Variants in ZNF675 observed in about 807,000 individuals in gnomAD.
ZNF675 encodes the protein TRAF6 inhibitory zinc finger.
Under a neutral mutation model 56.1 loss-of-function variants are expected in ZNF675, and 36 were observed. That is an observed-to-expected ratio of 0.64 (90% CI 0.49 to 0.85). ZNF675 has a LOEUF of 0.85. ZNF675 is among the 40% of genes least tolerant of loss of function. ZNF675 has a pLI of 0.00. For missense variants in ZNF675, 663 were observed against 654.2 expected, an observed-to-expected ratio of 1.01 and a Z score of -0.15; for synonymous variants, 200 against 218.9, an observed-to-expected ratio of 0.91 and a Z score of 0.76.
At chr19:23,672,889 T>C (rs116361186) in intron 1 of ZNF675, among the ~76,000 whole-genome samples, 1,703 of 152,306 alleles carry the variant, frequency 0.011, 35 homozygotes, top group African/African-American at 0.038. Flanking sequence ...TGTTCTCTCT[T>C]TGGGCTGGTA....
intron 1 of ZNF675, among the ~76,000 whole-genome samples, chr19:23,667,372 T>G (rs1968166695): frequency 6.6e-6 from 1 of 152,148 alleles, no homozygotes; most frequent in Non-Finnish European, 1.5e-5. Context: ...CCCAGCGGGT[T>G]GCCACTGCTG....
Position 23,653,091 on chromosome 19 carries a change from G to A in ZNF675, c.*135C>T. Reference sequence around the variant, plus strand: ...TTCTTCACACTTGTAGTTTTCTCCAGTATGAATTATCTTACATACAATGAA... The same window carrying A: ...TTCTTCACACTTGTAGTTTTCTCCAATATGAATTATCTTACATACAATGAA... On this transcript the variant is annotated 3_prime_UTR_variant, in exon 4 of 4. Transcript: ENST00000359788. 1.2e-6 allele frequency: 1 copy of A among 816,048 alleles called. No homozygotes were observed. Among genetic ancestry groups the A allele is most frequent in the Non-Finnish European group, 1.8e-6 (1 of 546,858 alleles). The allele number at this position is 816,048 out of a possible 1,614,324, so 50.6% of individuals were successfully genotyped here.
At position 23,658,901 on chromosome 19, in the gene ZNF675, A is replaced by C. The variant is rs866976551; in HGVS notation, c.226+3213T>G. On this transcript the variant is annotated intron_variant, in intron 3 of 3. Transcript: ENST00000359788. ...TATCTATAGATATAGATCTATAGAT[A>C]TCTATAGATAGATATAGATCTATAG... is the stretch of plus-strand genomic sequence containing the variant. Among the ~76,000 whole-genome samples the C allele has an allele frequency of 1.6e-3, 19 of 11,614 alleles. No homozygotes were observed. In the East Asian group the frequency reaches 0.03, roughly 18 times the overall value. The allele number at this position is 11,614 out of a possible 152,430, so 7.6% of individuals were successfully genotyped here.
At position 23,659,852 on chromosome 19, in the gene ZNF675, C is replaced by G. The variant is rs554757828; in HGVS notation, c.226+2262G>C. Among the ~76,000 whole-genome samples the G allele has an allele frequency of 5.8e-4, 88 of 152,238 alleles. 1 individual carries two copies. The highest frequency in any genetic ancestry group is 1.9e-3 in the African/African-American group (78 of 41,522). ...TGTGGACTGGCCTAAGGTAAAGGAC[C>G]TTAGTCTTTACTGTGGTCCTTGAAG... On this transcript the variant is annotated intron_variant, in intron 3 of 3. Transcript: ENST00000359788.
intron 1 of ZNF675, among the ~76,000 whole-genome samples, chr19:23,669,522 T>C (rs1210043153): frequency 6.6e-6 from 1 of 152,054 alleles, no homozygotes; most frequent in Non-Finnish European, 1.5e-5. Context: ...AAATGTATTA[T>C]TGCTGAAGTT....
In ZNF675 at chr19:23,654,663, G is replaced by T. The variant is rs771472713; in HGVS notation, c.270C>A (p.Asn90Lys). The part of the protein sequence containing the change: ...HFAQEFWPEQ[N>K]IKDSFEKVTL... ...TCACTTTTTCAAAAGAATCTTTTAT[G>T]TTCTGCTCTGGCCAAAACTCTTGGG... The change falls in exon 4 of 4, where the codon AAC (asparagine) becomes AAA (lysine). Residue 90 changes from asparagine to lysine, a missense_variant. Physicochemically the swap from Asn to Lys is moderately conservative, Grantham distance 94. Coordinates refer to ENST00000359788, the MANE Select transcript of ZNF675 (RefSeq NM_138330.3). 2 of 1,579,390 alleles carry T rather than the reference G, an allele frequency of 1.3e-6. No homozygotes were observed. Among genetic ancestry groups the T allele is most frequent in the Admixed American group, 1.9e-5 (1 of 53,702 alleles).
At chr19:23,679,996 C>A (rs185389421) in intron 1 of ZNF675, among the ~76,000 whole-genome samples, 5 of 145,570 alleles carry the variant, frequency 3.4e-5, no homozygotes, top group South Asian at 2.2e-4. Context: ...GTACCCCCCC[C>A]CAAAAAAAAA....
intron 1 of ZNF675, among the ~76,000 whole-genome samples, chr19:23,677,038 C>G (rs1707993162): frequency 6.7e-6 from 1 of 148,490 alleles, no homozygotes; most frequent in Non-Finnish European, 1.5e-5. Context: ...GATTGCGCCA[C>G]TGCATCCCAG....
chr19:23,663,045 G>A lies in ZNF675; in HGVS notation c.117C>T (p.Asn39=). ...AGTTATCCTTACCCAGGAAGACCAGGTTTCTGTAGTTCTCTAAAATCACAT... is the reference window on the plus strand; with the variant it reads ...AGTTATCCTTACCCAGGAAGACCAGATTTCTGTAGTTCTCTAAAATCACAT... ...YKNVILENYR[N]LVFLGIAVSK... The change falls in exon 2 of 4, where the codon AAC becomes AAT. Residue 39 remains asparagine (N), a synonymous_variant. Coordinates refer to ENST00000359788, the MANE Select transcript of ZNF675 (RefSeq NM_138330.3). The A allele has an allele frequency of 1.9e-6, 3 of 1,595,534 alleles. No individual in the cohort carries two copies. Among genetic ancestry groups the A allele is most frequent in the Non-Finnish European group, 2.6e-6 (3 of 1,173,884 alleles).
At chr19:23,670,296 C>T (rs1196350456) in intron 1 of ZNF675, among the ~76,000 whole-genome samples, 2 of 152,140 alleles carry the variant, frequency 1.3e-5, no homozygotes, top group Non-Finnish European at 2.9e-5. Context: ...GAACACTGGG[C>T]AGTCAATGGT....
intron 1 of ZNF675, among the ~76,000 whole-genome samples, chr19:23,682,869 A>G (rs9917051): frequency 0.97 from 147,281 of 151,734 alleles, 71,782 homozygotes; most frequent in Middle Eastern, 1. Flanking sequence ...AAACAATTAA[A>G]GTATTATTTT....
chr19:23,679,327 T>A (rs1400548821), intron 1 of ZNF675, among the ~76,000 whole-genome samples: 2 of 151,674 alleles, frequency 1.3e-5, no homozygotes, highest in Admixed American at 1.3e-4. Flanking sequence ...TAATAACTAT[T>A]TAGCACTATG....
intron 1 of ZNF675, among the ~76,000 whole-genome samples, chr19:23,678,857 A>C (rs1329281840): frequency 6.6e-6 from 1 of 151,680 alleles, no homozygotes; most frequent in Non-Finnish European, 1.5e-5. Flanking sequence ...ATGTTATTTA[A>C]ATTTTTAATG....
At chr19:23,682,431 A>T (rs905047125) in intron 1 of ZNF675, among the ~76,000 whole-genome samples, 11 of 151,782 alleles carry the variant, frequency 7.2e-5, no homozygotes, top group South Asian at 2.1e-4. Context: ...CTATAACTTT[A>T]ATTTTACAAA....
intron 1 of ZNF675, among the ~76,000 whole-genome samples, chr19:23,680,854 G>C (rs1239969670): frequency 6.6e-6 from 1 of 151,706 alleles, no homozygotes; most frequent in Non-Finnish European, 1.5e-5. Flanking sequence ...TGAGGGTGGA[G>C]AGTAGAAGGA....
chr19:23,676,592 TACAG>T (rs1168687125), intron 1 of ZNF675, among the ~76,000 whole-genome samples: 6 of 151,716 alleles, frequency 4.0e-5, no homozygotes, highest in Admixed American at 1.3e-4. Context: ...TAAACAGAAC[TACAG>T]ACAAAAACCA....
intron 1 of ZNF675, among the ~76,000 whole-genome samples, chr19:23,667,985 CAG>C (rs1968176558): frequency 6.7e-6 from 1 of 150,342 alleles, no homozygotes; most frequent in Non-Finnish European, 1.5e-5. Flanking sequence ...CAGCTAGACA[CAG>C]AGTGTCGACT....
Position 23,654,684 on chromosome 19 carries a change from T to C in ZNF675, c.249A>G (p.Gln83=). The change falls in exon 4 of 4, where the codon CAA becomes CAG. Residue 83 remains glutamine (Q), a synonymous_variant. Coordinates refer to ENST00000359788, the MANE Select transcript of ZNF675 (RefSeq NM_138330.3). ...EPPVMCSHFA[Q]EFWPEQNIKD... ...TTATGTTCTGCTCTGGCCAAAACTC[T>C]TGGGCAAAATGAGAACACATTACTG... 6.5e-7 allele frequency: 1 copy of C among 1,544,002 alleles called. No homozygotes were observed. Among genetic ancestry groups the C allele is most frequent in the South Asian group, 1.3e-5 (1 of 78,682 alleles).
intron 3 of ZNF675, chr19:23,655,694 G>C (rs1967973958): frequency 6.6e-6 from 1 of 152,132 alleles, no homozygotes; most frequent in African/African-American, 2.4e-5. Flanking sequence ...AGACATCCAA[G>C]CCATATCACA....
Sources: allele counts gnomAD v4.1 joint callset (sites outside exome capture counted in the v4.1 genomes callset), GRCh38; gene constraint gnomAD v4.1.1; transcripts MANE v1.5; gene names NCBI Gene and HGNC (gene_info 2026-07-23, HGNC 2026-07-21).